ATG7: variants seen among roughly 807,000 people sequenced by gnomAD.
ATG7 encodes ubiquitin-like modifier-activating enzyme ATG7.
ATG7 carries 70 observed loss-of-function variants against 82.4 expected under a neutral mutation model. The ratio of observed to expected loss-of-function variants is 0.85; its 90% CI spans 0.70 to 1.04. The LOEUF (loss-of-function observed/expected upper bound fraction) is 1.04. Among genes scored for constraint, ATG7 ranks in the 50% least tolerant of loss-of-function variants. The pLI, the probability that ATG7 is intolerant of heterozygous loss-of-function variation, is 0.00. For missense variants in ATG7, 792 were observed against 864.3 expected (o/e 0.92, Z 1.05); for synonymous variants, 287 against 313.0 (o/e 0.92, Z 0.88).
At chr3:11,562,170 T>G (rs1025754774), downstream of ATG7, among the ~76,000 whole-genome samples, 12 of 152,148 alleles carry the variant, frequency 7.9e-5, no homozygotes, top group African/African-American at 2.2e-4. Context: ...GGGCTGGGAT[T>G]ACAGGTGTGA....
In ATG7 at chr3:11,557,159, A is replaced by G. The variant is rs1199348745; in HGVS notation, c.*2316A>G. The G allele has an allele frequency of 1.3e-5, 2 of 152,720 alleles. No individual in the cohort carries two copies. The highest frequency in any genetic ancestry group is 2.9e-5 in the Non-Finnish European group (2 of 68,040). The allele number at this position is 152,720 out of a possible 1,614,324, so 9.5% of individuals were successfully genotyped here. A position where few individuals can be genotyped will look rare whatever the true frequency, so the allele number is the denominator to read the frequency against. On this transcript the variant is annotated 3_prime_UTR_variant, in exon 21 of 21. Coordinates refer to ENST00000693202, the MANE Select transcript of ATG7 (RefSeq NM_001349232.2). ...GGGATAGAAACGCTCATTGACCAAAAAGGAGCAGCTGTGACCTCCACAGCT... is the reference window on the plus strand; with the variant it reads ...GGGATAGAAACGCTCATTGACCAAAGAGGAGCAGCTGTGACCTCCACAGCT...
intron 8 of ATG7, among the ~76,000 whole-genome samples, chr3:11,313,983 G>A (rs1949044581): frequency 6.6e-6 from 1 of 152,188 alleles, no homozygotes. Flanking sequence ...CAGTAAGGGG[G>A]AATTATAGGA....
intron 5 of ATG7, among the ~76,000 whole-genome samples, chr3:11,300,273 C>T (rs1946585519): frequency 6.6e-6 from 1 of 152,118 alleles, no homozygotes; most frequent in South Asian, 2.1e-4. Context: ...TTTTCATAAA[C>T]ATCTGTTCTT....
intron 20 of ATG7, among the ~76,000 whole-genome samples, chr3:11,430,142 G>A (rs561554552): frequency 7.2e-5 from 11 of 151,908 alleles, no homozygotes; most frequent in South Asian, 2.1e-4. Flanking sequence ...CTTATAACCC[G>A]TCTTCAAAAA....
chr3:11,279,758 A>G (rs537065854), intron 1 of ATG7, among the ~76,000 whole-genome samples: 3 of 152,202 alleles, frequency 2.0e-5, no homozygotes, highest in Admixed American at 6.5e-5. Context: ...AAGGGTTTCT[A>G]TAGGAAACAC....
chr3:11,379,854 T>A (rs2077747165), intron 18 of ATG7, 118 bp from the exon 19 acceptor site: 1 of 968,686 alleles, frequency 1.0e-6, no homozygotes, highest in Non-Finnish European at 1.6e-6. Context: ...TTGCTCATAA[T>A]CTCTTTCCGG....
chr3:11,504,322 T>C (rs1404031945), intron 20 of ATG7, among the ~76,000 whole-genome samples: 1 of 152,198 alleles, frequency 6.6e-6, no homozygotes, highest in East Asian at 1.9e-4. Context: ...AATATGAACA[T>C]AGAATAGATA....
chr3:11,559,604 C>T, downstream of ATG7: 1 of 1,244,768 alleles, frequency 8.0e-7, no homozygotes, highest in South Asian at 1.7e-5. Context: ...AGTCCTGTTG[C>T]TAAACACAGC....
chr3:11,508,406 A>G (rs900671931), intron 20 of ATG7, among the ~76,000 whole-genome samples: 4 of 152,176 alleles, frequency 2.6e-5, no homozygotes, highest in Admixed American at 2.0e-4. Context: ...GCTGCATTCA[A>G]AGCCATCCTG....
chr3:11,519,540 T>G (rs977597895), intron 20 of ATG7, among the ~76,000 whole-genome samples: 6 of 15,370 alleles, frequency 3.9e-4, no homozygotes, highest in South Asian at 1.2e-3. Flanking sequence ...GTGAGAGGAG[T>G]TTTTTTTTTT....
At chr3:11,352,473 G>C (rs956845720) in intron 14 of ATG7, among the ~76,000 whole-genome samples, 3 of 152,192 alleles carry the variant, frequency 2.0e-5, no homozygotes, top group Admixed American at 2.0e-4. Context: ...CACCAACAGT[G>C]TAAAAGTGTT....
chr3:11,566,393 T>C, the ATG7 span, among the ~76,000 whole-genome samples: 1 of 152,220 alleles, frequency 6.6e-6, no homozygotes, highest in Non-Finnish European at 1.5e-5. Context: ...ATATCGACAA[T>C]GAGACAACTA....
At chr3:11,511,731 G>A (rs759760925) in intron 20 of ATG7, among the ~76,000 whole-genome samples, 24 of 152,314 alleles carry the variant, frequency 1.6e-4, no homozygotes, top group South Asian at 1.5e-3. Flanking sequence ...CAGGTCCTGA[G>A]CCCTGCCCCG....
chr3:11,409,046 T>C (rs1050692951), intron 19 of ATG7, among the ~76,000 whole-genome samples: 1 of 152,254 alleles, frequency 6.6e-6, no homozygotes, highest in Non-Finnish European at 1.5e-5. Context: ...TTTTGGATAA[T>C]AGTCCTTTAT....
intron 9 of ATG7, among the ~76,000 whole-genome samples, chr3:11,329,220 G>A (rs1194071879): frequency 6.6e-6 from 1 of 152,214 alleles, no homozygotes; most frequent in Non-Finnish European, 1.5e-5. Flanking sequence ...ACACCAAGAT[G>A]TTAATAGTTC....
chr3:11,489,136 G>T (rs920890257), intron 20 of ATG7, among the ~76,000 whole-genome samples: 1 of 152,210 alleles, frequency 6.6e-6, no homozygotes, highest in African/African-American at 2.4e-5. Context: ...TCTTGGGAGG[G>T]TGTATGTGTC....
chr3:11,505,633 G>C (rs935479733), intron 20 of ATG7, among the ~76,000 whole-genome samples: 1 of 152,162 alleles, frequency 6.6e-6, no homozygotes, highest in African/African-American at 2.4e-5. Context: ...CAGCCCTCAA[G>C]GGTCCTTGCA....
intron 14 of ATG7, 89 bp downstream of exon 14, chr3:11,348,124 G>T (rs933441824): frequency 1.0e-5 from 15 of 1,474,200 alleles, no homozygotes; most frequent in Non-Finnish European, 1.4e-5. Flanking sequence ...AAGAAAGAGA[G>T]TCAGATATCT....
intron 20 of ATG7, among the ~76,000 whole-genome samples, chr3:11,490,338 A>G (rs12629652): frequency 0.52 from 78,840 of 151,966 alleles, 21,387 homozygotes; most frequent in East Asian, 0.66. Context: ...ATCTTCCTCC[A>G]TGCTTTTATT....
Sources: allele counts gnomAD v4.1 joint callset (sites outside exome capture counted in the v4.1 genomes callset), GRCh38; gene constraint gnomAD v4.1.1; transcripts MANE v1.5; gene names NCBI Gene and HGNC (gene_info 2026-07-23, HGNC 2026-07-21).